C12orf42: variants seen among roughly 807,000 people sequenced by gnomAD.
C12orf42 encodes the protein uncharacterized protein C12orf42.
C12orf42 carries 25 observed loss-of-function variants against 21.6 expected under a neutral mutation model. That is an observed-to-expected ratio of 1.16 (90% CI 0.84 to 1.62). The LOEUF (loss-of-function observed/expected upper bound fraction) is 1.62. Among genes scored for constraint, C12orf42 ranks in the 40% most tolerant of loss-of-function variants. The pLI, the probability that C12orf42 is intolerant of heterozygous loss-of-function variation, is 0.00. For missense variants in C12orf42, 483 were observed against 459.3 expected, an observed-to-expected ratio of 1.05 and a Z score of -0.47; for synonymous variants, 174 against 175.0, an observed-to-expected ratio of 0.99 and a Z score of 0.05.
intron 4 of C12orf42, among the ~76,000 whole-genome samples, chr12:103,316,171 A>T (rs2039474900): frequency 6.6e-6 from 1 of 151,226 alleles, no homozygotes; most frequent in Admixed American, 6.6e-5. Flanking sequence ...ATACCAATAT[A>T]TATACTGATA....
At chr12:103,298,722 C>A (rs1033437832), downstream of C12orf42, among the ~76,000 whole-genome samples, 2 of 152,166 alleles carry the variant, frequency 1.3e-5, no homozygotes, top group Non-Finnish European at 2.9e-5. Context: ...AGCTCCAGTA[C>A]CTTAGCTTTT....
At chr12:103,478,306 A>C in intron 2 of C12orf42, 43 bp downstream of exon 2, 1 of 1,316,946 alleles carries the variant, frequency 7.6e-7, no homozygotes, top group Non-Finnish European at 1.1e-6. Context: ...CAAACCTATT[A>C]ACCTAAAAAA....
chr12:103,506,860 A>ATATATATATTTATATAT, the C12orf42 span, among the ~76,000 whole-genome samples: 3 of 71,932 alleles, frequency 4.2e-5, 1 homozygote, highest in African/African-American at 1.9e-4. Flanking sequence ...TTTATATATT[A>ATATATATATTTATATAT]TATATATATA....
chr12:103,362,843 G>A, intron 4 of C12orf42, among the ~76,000 whole-genome samples: 1 of 151,836 alleles, frequency 6.6e-6, no homozygotes, highest in Non-Finnish European at 1.5e-5. Context: ...CAAGAAGTTT[G>A]GGATTATGTT....
At chr12:103,185,969 A>C in the C12orf42 span, among the ~76,000 whole-genome samples, 1 of 152,152 alleles carries the variant, frequency 6.6e-6, no homozygotes, top group Admixed American at 6.5e-5. Flanking sequence ...TTGTGTGGTA[A>C]AATGGCCAAA....
At chr12:103,245,328 G>A (rs937175821) in intron 10 of C12orf42, among the ~76,000 whole-genome samples, 7 of 152,168 alleles carry the variant, frequency 4.6e-5, no homozygotes, top group African/African-American at 1.7e-4. Context: ...CTGTACAATG[G>A]TAATCATTCC....
At chr12:103,140,070 A>T in the C12orf42 span, among the ~76,000 whole-genome samples, 2 of 152,198 alleles carry the variant, frequency 1.3e-5, no homozygotes, top group African/African-American at 4.8e-5. Context: ...ACTAAAAACC[A>T]GGGCCTCAGG....
At chr12:103,454,175 T>C (rs1283433484) in intron 2 of C12orf42, among the ~76,000 whole-genome samples, 1 of 152,118 alleles carries the variant, frequency 6.6e-6, no homozygotes, top group African/African-American at 2.4e-5. Flanking sequence ...TACATATTTA[T>C]ATTGTTTCTT....
At chr12:103,116,381 A>AATATATATATATAT in the C12orf42 span, among the ~76,000 whole-genome samples, 103 of 136,688 alleles carry the variant, frequency 7.5e-4, no homozygotes, top group African/African-American at 2.7e-3. Flanking sequence ...AAAAAAAAAA[A>AATATATATATATAT]ATATATATAT....
At chr12:103,061,443 T>C in the C12orf42 span, among the ~76,000 whole-genome samples, 20 of 152,244 alleles carry the variant, frequency 1.3e-4, no homozygotes, top group African/African-American at 4.6e-4. Context: ...ACTTTTTTTT[T>C]CTCCTTGCTT....
chr12:103,254,774 G>A (rs749262344), intron 10 of C12orf42, among the ~76,000 whole-genome samples: 1 of 152,128 alleles, frequency 6.6e-6, no homozygotes, highest in Non-Finnish European at 1.5e-5. Flanking sequence ...GATTGTGTGG[G>A]GAAGGGAGAC....
At chr12:103,308,858 A>G (rs897782643) in intron 4 of C12orf42, among the ~76,000 whole-genome samples, 12 of 152,218 alleles carry the variant, frequency 7.9e-5, no homozygotes, top group Non-Finnish European at 4.4e-5. Flanking sequence ...TAAGAAAAGA[A>G]AACAGAGATA....
chr12:103,055,449 A>AT, the C12orf42 span, among the ~76,000 whole-genome samples: 28 of 151,834 alleles, frequency 1.8e-4, 1 homozygote, highest in African/African-American at 6.8e-4. Flanking sequence ...CTTCTCTCTC[A>AT]TTTTGTCAGT....
chr12:103,470,790 G>A (rs150856388), intron 2 of C12orf42, among the ~76,000 whole-genome samples: 80 of 152,270 alleles, frequency 5.3e-4, no homozygotes, highest in African/African-American at 1.7e-3. Flanking sequence ...GAGACCCTGA[G>A]TAGATGTGCT....
At chr12:103,214,546 G>C in the C12orf42 span, among the ~76,000 whole-genome samples, 2 of 151,804 alleles carry the variant, frequency 1.3e-5, no homozygotes. Flanking sequence ...TCAAAAGACG[G>C]GCCAACAAGC....
the C12orf42 span, among the ~76,000 whole-genome samples, chr12:103,108,525 GA>G: frequency 6.6e-6 from 1 of 151,676 alleles, no homozygotes; most frequent in African/African-American, 2.4e-5. Context: ...GCAGATTAAA[GA>G]AAAAAATGGT....
At chr12:103,106,119 A>C in the C12orf42 span, among the ~76,000 whole-genome samples, 4 of 152,192 alleles carry the variant, frequency 2.6e-5, no homozygotes, top group Admixed American at 2.0e-4. Flanking sequence ...ATGAGTAAAA[A>C]ATATATTCCC....
Position 103,428,417 on chromosome 12 carries a change from G to A in C12orf42, c.79-26742C>T, listed in dbSNP as rs189388294. Among the ~76,000 whole-genome samples the A allele has an allele frequency of 3.0e-4, 45 of 152,242 alleles. 1 individual carries two copies. The East Asian group carries it at 8.3e-3, about 28-fold the overall frequency. On this transcript the variant is annotated intron_variant, in intron 2 of 5. Transcript: ENST00000548883. The stretch of plus-strand genomic sequence containing the variant: ...CATACACCCTCCCAAACTAAACCAG[G>A]AAGAAGTCGAATCCCTGAATAGACC...
At chr12:103,392,169 T>C (rs1056478108) in intron 3 of C12orf42, among the ~76,000 whole-genome samples, 3 of 152,214 alleles carry the variant, frequency 2.0e-5, no homozygotes, top group African/African-American at 7.2e-5. Context: ...CGCTTTTCAA[T>C]TCCATCAGTT....
Sources: gnomAD v4.1 joint callset for allele counts (sites outside exome capture counted in the v4.1 genomes callset) on GRCh38, gnomAD v4.1.1 for gene constraint, MANE v1.5 for transcripts, NCBI Gene and HGNC (gene_info 2026-07-23, HGNC 2026-07-21) for gene names.